BUB1B: variants seen among roughly 807,000 people sequenced by gnomAD.
BUB1B encodes BUB1 mitotic checkpoint serine/threonine kinase B.
A neutral mutation model predicts 137.7 loss-of-function variants in BUB1B; 86 were observed. The ratio of observed to expected loss-of-function variants is 0.62; its 90% CI spans 0.52 to 0.75. The LOEUF is 0.75. Ranked by LOEUF, BUB1B falls within the 30% of genes least tolerant of loss-of-function variation. The pLI, the probability that BUB1B is intolerant of heterozygous loss-of-function variation, is 0.00. For missense variants in BUB1B, 1,130 were observed against 1,236.9 expected (o/e 0.91, Z 1.30); for synonymous variants, 420 against 417.9 (o/e 1.00, Z -0.06).
At chr15:40,191,210 TG>T (rs2037433323) in intron 8 of BUB1B, among the ~76,000 whole-genome samples, 2 of 152,188 alleles carry the variant, frequency 1.3e-5, no homozygotes, top group Non-Finnish European at 2.9e-5. Flanking sequence ...AATTTAAAAC[TG>T]ATGAATTATT....
chr15:40,167,425 C>T (rs530604219), intron 2 of BUB1B, among the ~76,000 whole-genome samples: 4 of 148,042 alleles, frequency 2.7e-5, no homozygotes, highest in African/African-American at 1.0e-4. Context: ...TCACTGCAAC[C>T]TCCGCCTCCC....
intron 12 of BUB1B, among the ~76,000 whole-genome samples, chr15:40,201,905 G>C (rs1030539735): frequency 6.6e-6 from 1 of 152,068 alleles, no homozygotes; most frequent in African/African-American, 2.4e-5. Flanking sequence ...TCCTGACCTC[G>C]TGATCCGCCC....
intron 8 of BUB1B, among the ~76,000 whole-genome samples, chr15:40,186,680 A>T (rs1333923711): frequency 6.7e-6 from 1 of 150,138 alleles, no homozygotes; most frequent in Admixed American, 6.6e-5. Context: ...CTCCTGACCT[A>T]GTGATCCGCC....
Position 40,165,046 on chromosome 15 carries a change from T to C in BUB1B, c.36-7T>C. Reference sequence around the variant, plus strand: ...TATGAGATTTACATTTGTTTCCTTCTTCACAGTGAAGCCATGTCCCTGGAG... The same window carrying C: ...TATGAGATTTACATTTGTTTCCTTCCTCACAGTGAAGCCATGTCCCTGGAG... On this transcript the variant is annotated splice_region_variant and splice_polypyrimidine_tract_variant and intron_variant, in intron 1 of 22. Transcript: ENST00000287598. The C allele has an allele frequency of 1.2e-6, 2 of 1,614,188 alleles. No homozygotes were observed. The highest frequency in any genetic ancestry group is 1.7e-6 in the Non-Finnish European group (2 of 1,180,022).
At chr15:40,166,600 A>G (rs2037101523) in intron 2 of BUB1B, 1 of 219,510 alleles carries the variant, frequency 4.6e-6, no homozygotes, top group Admixed American at 5.5e-5. Context: ...TCAGCCTCCC[A>G]AAGTGCTGGG....
chr15:40,204,554 A>G (rs1181221968), intron 14 of BUB1B, among the ~76,000 whole-genome samples: 1 of 151,810 alleles, frequency 6.6e-6, no homozygotes, highest in Non-Finnish European at 1.5e-5. Context: ...GGCCATAAGT[A>G]GTATTTGCAT....
chr15:40,179,153 C>CT (rs891202270), intron 5 of BUB1B, among the ~76,000 whole-genome samples: 41 of 146,106 alleles, frequency 2.8e-4, no homozygotes, highest in African/African-American at 4.7e-4. Context: ...ATACTATTTC[C>CT]TTTTTTTTTT....
intron 16 of BUB1B, among the ~76,000 whole-genome samples, chr15:40,209,006 G>A (rs533243966): frequency 1.1e-4 from 16 of 152,088 alleles, no homozygotes; most frequent in Middle Eastern, 3.4e-3. Context: ...GTGGGGTTTC[G>A]CCATGTTGCC....
chr15:40,190,847 G>A (rs903578746), intron 8 of BUB1B, among the ~76,000 whole-genome samples: 11 of 151,808 alleles, frequency 7.2e-5, no homozygotes, highest in Non-Finnish European at 1.3e-4. Flanking sequence ...AACAAAATGG[G>A]AATATATGGG....
chr15:40,211,968 A>AC (rs1261136506), intron 18 of BUB1B, among the ~76,000 whole-genome samples: 1 of 152,102 alleles, frequency 6.6e-6, no homozygotes, highest in Non-Finnish European at 1.5e-5. Flanking sequence ...GATTACAGGC[A>AC]CCCGCCACCA....
In BUB1B at chr15:40,202,631, C is replaced by A. The variant is rs1236664633; in HGVS notation, c.1671C>A (p.Pro557=). 5 of 1,614,046 alleles carry A rather than the reference C, an allele frequency of 3.1e-6. No homozygotes were observed. The highest frequency in any genetic ancestry group is 4.2e-6 in the Non-Finnish European group (5 of 1,180,010). ...CACGAGTTTTAGCTCAACGAAGACC[C>A]CTTGCAGTTCTCAAAACCTCAGAAA... ...DPPRVLAQRR[P]LAVLKTSESI... Residue 557 remains proline, a synonymous_variant, in exon 14 of 23, where the codon CCC becomes CCA. Transcript: ENST00000287598.
chr15:40,201,300 A>T (rs1190420228), intron 12 of BUB1B, among the ~76,000 whole-genome samples: 1 of 152,238 alleles, frequency 6.6e-6, no homozygotes, highest in Non-Finnish European at 1.5e-5. Context: ...AAAAAAATTT[A>T]AAGCTATTTT....
In BUB1B at chr15:40,206,429, C is replaced by T. The variant is rs564719711; in HGVS notation, c.1980C>T (p.Tyr660=). The part of the protein sequence containing the change: ...EDQQTACGTI[Y]SQTLSIKKLS... Reference sequence around the variant, plus strand: ...AGCAGACAGCTTGTGGCACTATCTACAGTCAGACTCTCAGCATCAAGAAGC... The same window carrying T: ...AGCAGACAGCTTGTGGCACTATCTATAGTCAGACTCTCAGCATCAAGAAGC... Residue 660 remains tyrosine, a synonymous_variant, in exon 15 of 23, where the codon TAC becomes TAT. Coordinates refer to ENST00000287598, the MANE Select transcript of BUB1B (RefSeq NM_001211.6). The T allele has an allele frequency of 3.7e-6, 6 of 1,614,178 alleles. No individual in the cohort carries two copies. Among genetic ancestry groups the T allele is most frequent in the South Asian group, 2.2e-5 (2 of 91,086 alleles).
chr15:40,192,561 C>G (rs761373950), intron 8 of BUB1B, among the ~76,000 whole-genome samples: 1 of 152,210 alleles, frequency 6.6e-6, no homozygotes, highest in African/African-American at 2.4e-5. Flanking sequence ...CCCTTTCTCT[C>G]TCTCCCCAAA....
At chr15:40,165,605 A>G (rs1056458918) in intron 2 of BUB1B, among the ~76,000 whole-genome samples, 3 of 152,234 alleles carry the variant, frequency 2.0e-5, no homozygotes, top group African/African-American at 7.2e-5. Flanking sequence ...TATACCAGAA[A>G]GTTCTCAATA....
At position 40,205,210 on chromosome 15, in the gene BUB1B, G is replaced by A. The variant is rs1479410942; in HGVS notation, c.1735-974G>A. ...GATCCACCCAACTCAGCGTCCCAAA[G>A]TGCTGGGATTACAGGCGTGAGCCAC... On this transcript the variant is annotated intron_variant, in intron 14 of 22. Transcript: ENST00000287598. Among the ~76,000 whole-genome samples, 6 of 152,168 alleles carry A rather than the reference G, an allele frequency of 3.9e-5. No individual in the cohort carries two copies. In the East Asian group the frequency reaches 1.2e-3, roughly 29 times the overall value.
At chr15:40,188,204 C>T (rs962019412) in intron 8 of BUB1B, among the ~76,000 whole-genome samples, 2 of 152,002 alleles carry the variant, frequency 1.3e-5, no homozygotes, top group Non-Finnish European at 2.9e-5. Flanking sequence ...CGGGCCACCA[C>T]GCCCGGCTGA....
chr15:40,161,156 C>A lies in BUB1B; in HGVS notation c.-65C>A. On this transcript the variant is annotated 5_prime_UTR_variant, in exon 1 of 23. Coordinates refer to ENST00000287598, the MANE Select transcript of BUB1B (RefSeq NM_001211.6). ...CCGAGGGCAGGTTGCGGAAGAAAGC[C>A]CAGGCGGTCTGTGGCCCAGAGGAAA... The A allele has an allele frequency of 6.3e-7, 1 of 1,594,706 alleles. No homozygotes were observed. Among genetic ancestry groups the A allele is most frequent in the South Asian group, 1.1e-5 (1 of 88,118 alleles).
At chr15:40,179,988 A>ATC (rs71132147) in intron 5 of BUB1B, among the ~76,000 whole-genome samples, 7,783 of 142,510 alleles carry the variant, frequency 0.055, 675 homozygotes, top group African/African-American at 0.18. Flanking sequence ...ATATATATAT[A>ATC]TCTCTTAAAT....
Sources: allele counts gnomAD v4.1 joint callset (sites outside exome capture counted in the v4.1 genomes callset), GRCh38; gene constraint gnomAD v4.1.1; transcripts MANE v1.5; gene names NCBI Gene and HGNC (gene_info 2026-07-23, HGNC 2026-07-21).